The following AUTS2 variants were observed in gnomAD, a reference collection of about 807,000 sequenced individuals.
AUTS2 encodes autism susceptibility gene 2 protein.
In AUTS2, 17 loss-of-function variants were observed where a neutral mutation model predicts 112.4. The observed-to-expected ratio is 0.15, with a 90% confidence interval of 0.10 to 0.23. The LOEUF (loss-of-function observed/expected upper bound fraction) is 0.23. Among genes scored for constraint, AUTS2 ranks in the 10% least tolerant of loss-of-function variants. The probability of loss-of-function intolerance (pLI) is 1.00; values close to 1 mark genes in which losing one functional copy is unlikely to be tolerated. For missense variants in AUTS2, 1,510 were observed against 1,701.6 expected, an observed-to-expected ratio of 0.89 and a Z score of 1.98; for synonymous variants, 751 against 702.7, an observed-to-expected ratio of 1.07 and a Z score of -1.09.
At chr7:69,666,794 C>T (rs541178397) in intron 1 of AUTS2, among the ~76,000 whole-genome samples, 6 of 152,012 alleles carry the variant, frequency 3.9e-5, no homozygotes, top group Admixed American at 6.6e-5. Context: ...CATAGCTAGT[C>T]GGGAGGCTGA....
intron 2 of AUTS2, among the ~76,000 whole-genome samples, chr7:70,046,335 A>ATTAAATATT (rs1801502397): frequency 6.6e-6 from 1 of 152,196 alleles, no homozygotes; most frequent in African/African-American, 2.4e-5. Flanking sequence ...TAAAATGGAT[A>ATTAAATATT]CACCTTAATA....
At chr7:70,658,563 T>A (rs1038184478) in intron 5 of AUTS2, among the ~76,000 whole-genome samples, 2 of 152,252 alleles carry the variant, frequency 1.3e-5, no homozygotes, top group Admixed American at 6.5e-5. Context: ...GGGGGGCTTC[T>A]TTTTATCTTC....
chr7:70,337,160 T>C (rs1791029375), intron 4 of AUTS2, among the ~76,000 whole-genome samples: 1 of 152,180 alleles, frequency 6.6e-6, no homozygotes, highest in Admixed American at 6.5e-5. Flanking sequence ...GCTGCTAATA[T>C]GGGAAAGCAG....
intron 2 of AUTS2, among the ~76,000 whole-genome samples, chr7:70,035,514 A>G (rs750265131): frequency 6.6e-6 from 1 of 152,172 alleles, no homozygotes; most frequent in African/African-American, 2.4e-5. Context: ...GACTTGCCAT[A>G]TTATAGCTTC....
At chr7:70,773,682 C>CA (rs1011326738) in intron 11 of AUTS2, among the ~76,000 whole-genome samples, 6 of 152,084 alleles carry the variant, frequency 3.9e-5, no homozygotes, top group African/African-American at 9.7e-5. Flanking sequence ...GGTGATTAAG[C>CA]AAAAAAACAG....
chr7:70,405,722 T>C (rs756940714), intron 4 of AUTS2, among the ~76,000 whole-genome samples: 5 of 152,234 alleles, frequency 3.3e-5, no homozygotes, highest in Non-Finnish European at 7.3e-5. Flanking sequence ...AAATCTCTTC[T>C]TTATGAAGGT....
At chr7:70,278,314 C>T (rs1788036994) in intron 4 of AUTS2, among the ~76,000 whole-genome samples, 1 of 152,238 alleles carries the variant, frequency 6.6e-6, no homozygotes, top group East Asian at 1.9e-4. Context: ...CACAGTGGCT[C>T]ACGCCTATAA....
chr7:69,804,775 T>C (rs752288211), intron 1 of AUTS2, among the ~76,000 whole-genome samples: 1 of 152,240 alleles, frequency 6.6e-6, no homozygotes, highest in African/African-American at 2.4e-5. Context: ...TTTACCAGAA[T>C]AGTGGTTATC....
At chr7:70,620,635 T>C (rs866795872) in intron 5 of AUTS2, among the ~76,000 whole-genome samples, 8 of 152,194 alleles carry the variant, frequency 5.3e-5, no homozygotes, top group South Asian at 2.1e-4. Flanking sequence ...GTTGTTTGGA[T>C]TGGTGATTTC....
At chr7:69,826,248 A>G (rs1017014758) in intron 1 of AUTS2, among the ~76,000 whole-genome samples, 1 of 152,214 alleles carries the variant, frequency 6.6e-6, no homozygotes, top group Non-Finnish European at 1.5e-5. Flanking sequence ...TTTCCTGTCC[A>G]GAAGGTTTTA....
intron 9 of AUTS2, among the ~76,000 whole-genome samples, chr7:70,767,180 G>A (rs772423668): frequency 1.8e-4 from 27 of 152,126 alleles, no homozygotes; most frequent in African/African-American, 6.3e-4. Flanking sequence ...TAGGCATTGT[G>A]AGAATAAATT....
chr7:69,684,659 C>T lies in AUTS2; in HGVS notation c.309+84697C>T, dbSNP rs559012033. On this transcript the variant is annotated intron_variant, in intron 1 of 18. Coordinates refer to ENST00000342771, the MANE Select transcript of AUTS2 (RefSeq NM_015570.4). ...ATGACTGTTACAGCTGAGTAACTAG[C>T]GAAAAATAATAGCAAATGGGAAGAG... Among the ~76,000 whole-genome samples the T allele has an allele frequency of 7.2e-5, 11 of 152,008 alleles. No homozygotes were observed. The East Asian group carries it at 7.7e-4, about 11-fold the overall frequency.
At chr7:69,672,886 T>C (rs1796400277) in intron 1 of AUTS2, among the ~76,000 whole-genome samples, 1 of 152,186 alleles carries the variant, frequency 6.6e-6, no homozygotes, top group African/African-American at 2.4e-5. Context: ...AAAATGCCAG[T>C]TGTGATTTTT....
At chr7:69,808,087 C>T (rs1790388888) in intron 1 of AUTS2, among the ~76,000 whole-genome samples, 1 of 152,026 alleles carries the variant, frequency 6.6e-6, no homozygotes, top group African/African-American at 2.4e-5. Flanking sequence ...ACTACCATGC[C>T]TGGCTAATTT....
chr7:70,514,649 TTTGGAGGGGAC>T (rs1298851199), intron 5 of AUTS2, among the ~76,000 whole-genome samples: 1 of 152,132 alleles, frequency 6.6e-6, no homozygotes, highest in Non-Finnish European at 1.5e-5. Context: ...CAACATGAGA[TTTGGAGGGGAC>T]AGAACATCCA....
chr7:70,714,932 C>G (rs1283736049), intron 6 of AUTS2, among the ~76,000 whole-genome samples: 1 of 152,190 alleles, frequency 6.6e-6, no homozygotes, highest in Non-Finnish European at 1.5e-5. Flanking sequence ...CTGATACTTG[C>G]ATTGGCATGT....
At chr7:70,289,883 T>G (rs1788630909) in intron 4 of AUTS2, among the ~76,000 whole-genome samples, 1 of 152,192 alleles carries the variant, frequency 6.6e-6, no homozygotes, top group Non-Finnish European at 1.5e-5. Flanking sequence ...ATAACTAAAT[T>G]CTCTATTAAA....
intron 5 of AUTS2, among the ~76,000 whole-genome samples, chr7:70,635,908 C>T (rs914675506): frequency 3.9e-5 from 6 of 152,080 alleles, no homozygotes; most frequent in African/African-American, 1.2e-4. Flanking sequence ...GCCAATTAGT[C>T]TGGAAATGAC....
intron 2 of AUTS2, among the ~76,000 whole-genome samples, chr7:70,115,926 TGAACATTCCAGAGG>T (rs1805334746): frequency 6.6e-6 from 1 of 151,806 alleles, no homozygotes; most frequent in Non-Finnish European, 1.5e-5. Flanking sequence ...AAGGTAAGGG[TGAACATTCCAGAGG>T]GAATATGGTG....
Sources: allele counts gnomAD v4.1 joint callset (sites outside exome capture counted in the v4.1 genomes callset), GRCh38; gene constraint gnomAD v4.1.1; transcripts MANE v1.5; gene names NCBI Gene and HGNC (gene_info 2026-07-23, HGNC 2026-07-21).